DEPTOR: variants seen among roughly 807,000 people sequenced by gnomAD.
The protein encoded by DEPTOR is DEP domain containing MTOR interacting protein.
A neutral mutation model predicts 41.6 loss-of-function variants in DEPTOR; 41 were observed. The observed-to-expected ratio is 0.98, with a 90% CI of 0.77 to 1.28. DEPTOR has a LOEUF of 1.28. DEPTOR is among the 50% of genes most tolerant of loss of function. The pLI, the probability that DEPTOR is intolerant of heterozygous loss-of-function variation, is 0.00. For missense variants in DEPTOR, 514 were observed against 527.9 expected (o/e 0.97, Z 0.26); for synonymous variants, 195 against 192.3 (o/e 1.01, Z -0.12).
chr8:119,905,944 A>G (rs903814014), intron 1 of DEPTOR, among the ~76,000 whole-genome samples: 3 of 152,080 alleles, frequency 2.0e-5, no homozygotes, highest in Non-Finnish European at 4.4e-5. Context: ...CACTTGGCCA[A>G]TTTTTAAAAT....
At chr8:119,904,315 C>T (rs9721029) in intron 1 of DEPTOR, among the ~76,000 whole-genome samples, 75,181 of 151,284 alleles carry the variant, frequency 0.5, 20,367 homozygotes, top group East Asian at 0.92. Flanking sequence ...GACAGGGTTT[C>T]ACCTTGTGGG....
At chr8:119,908,407 A>G (rs1827695188) in intron 1 of DEPTOR, among the ~76,000 whole-genome samples, 1 of 152,170 alleles carries the variant, frequency 6.6e-6, no homozygotes, top group African/African-American at 2.4e-5. Flanking sequence ...TGGGCAACAT[A>G]GTGAGACCCT....
intron 8 of DEPTOR, among the ~76,000 whole-genome samples, chr8:120,048,785 C>G (rs1040038057): frequency 6.6e-6 from 1 of 152,084 alleles, no homozygotes; most frequent in African/African-American, 2.4e-5. Flanking sequence ...TAGTGTGAGC[C>G]TGTGAGAATA....
intron 8 of DEPTOR, among the ~76,000 whole-genome samples, chr8:120,022,157 TA>T (rs34125548): frequency 0.05 from 4,661 of 93,710 alleles, 155 homozygotes; most frequent in Middle Eastern, 0.11. Flanking sequence ...GACCCCATCT[TA>T]AAAAAAAAAA....
chr8:120,014,562 C>A (rs2130118255), intron 8 of DEPTOR, among the ~76,000 whole-genome samples: 1 of 152,158 alleles, frequency 6.6e-6, no homozygotes, highest in Non-Finnish European at 1.5e-5. Context: ...GAGTCTCACT[C>A]TGTTGCCCAA....
At chr8:120,015,594 G>C (rs1812596204) in intron 8 of DEPTOR, among the ~76,000 whole-genome samples, 2 of 152,106 alleles carry the variant, frequency 1.3e-5, no homozygotes, top group African/African-American at 4.8e-5. Context: ...TAGTCAAATT[G>C]GAAAAAACGA....
chr8:119,990,626 A>T (rs944043553), intron 4 of DEPTOR, among the ~76,000 whole-genome samples: 1 of 152,176 alleles, frequency 6.6e-6, no homozygotes, highest in South Asian at 2.1e-4. Context: ...GAATCCTTTT[A>T]CTTCTTTTCC....
At chr8:120,006,321 C>T (rs548255488) in intron 6 of DEPTOR, among the ~76,000 whole-genome samples, 34 of 152,086 alleles carry the variant, frequency 2.2e-4, no homozygotes, top group African/African-American at 8.0e-4. Context: ...GTCACGAGTT[C>T]AAGACCAGCC....
chr8:120,040,306 G>A (rs1813043418), intron 8 of DEPTOR, among the ~76,000 whole-genome samples: 2 of 152,222 alleles, frequency 1.3e-5, no homozygotes, highest in Admixed American at 1.3e-4. Context: ...GCTGAGCTTG[G>A]TGGCTCACGC....
rs868702998 is a variant in DEPTOR, at chr8:119,907,545, G to A, written c.123-20855G>A. On this transcript the variant is annotated intron_variant, in intron 1 of 8. Transcript: ENST00000286234. ...TTTTAGGTAGAGAAAGAAAATAAGG[G>A]CCAGTGTGGTGGACTTTGGGAGACC... Among the ~76,000 whole-genome samples, 4 of 152,254 alleles carry A rather than the reference G, an allele frequency of 2.6e-5. No homozygotes were observed. The South Asian group carries it at 6.2e-4, about 24-fold the overall frequency.
chr8:119,952,613 C>A (rs369455436), intron 3 of DEPTOR, among the ~76,000 whole-genome samples: 1 of 152,308 alleles, frequency 6.6e-6, no homozygotes, highest in East Asian at 1.9e-4. Context: ...GTGTTGTTCC[C>A]CCCGGGCCGT....
chr8:119,886,646 G>C (rs1827368821), intron 1 of DEPTOR, among the ~76,000 whole-genome samples: 2 of 152,024 alleles, frequency 1.3e-5, no homozygotes, highest in Admixed American at 1.3e-4. Flanking sequence ...TTTGAGAAAG[G>C]GAAAAACCCA....
intron 4 of DEPTOR, among the ~76,000 whole-genome samples, chr8:119,966,815 A>G (rs998138595): frequency 2.6e-5 from 4 of 152,210 alleles, no homozygotes; most frequent in Non-Finnish European, 5.9e-5. Context: ...ATACAAATTT[A>G]TTAACATGTA....
At chr8:119,942,336 G>T (rs1200275667) in intron 3 of DEPTOR, among the ~76,000 whole-genome samples, 4 of 152,162 alleles carry the variant, frequency 2.6e-5, no homozygotes, top group Non-Finnish European at 4.4e-5. Context: ...CTTGTGAGTA[G>T]TTGGGACTAC....
At chr8:119,995,176 A>G (rs549779324) in intron 4 of DEPTOR, among the ~76,000 whole-genome samples, 5 of 152,186 alleles carry the variant, frequency 3.3e-5, no homozygotes, top group Non-Finnish European at 5.9e-5. Context: ...TTTGCATGGA[A>G]TATATTCAAA....
rs1382038163 is a variant in DEPTOR, at chr8:120,041,701, CT to C, written c.1102-7874del. Among the ~76,000 whole-genome samples, 3 of 152,108 alleles carry C rather than the reference CT, an allele frequency of 2.0e-5. No individual in the cohort carries two copies. The East Asian group carries it at 5.8e-4, about 29-fold the overall frequency. On this transcript the variant is annotated intron_variant, in intron 8 of 8. Transcript: ENST00000286234. ...TACAGGCATGCACCACCACGCCCAG[CT>C]GATTTTTGTATTTTTGGTAGAGACG...
chr8:120,021,749 TG>T (rs1307986680), intron 8 of DEPTOR, among the ~76,000 whole-genome samples: 1 of 152,156 alleles, frequency 6.6e-6, no homozygotes, highest in African/African-American at 2.4e-5. Flanking sequence ...GGCACAGTCA[TG>T]GGGATAAATA....
chr8:119,883,429 C>T (rs562453485), intron 1 of DEPTOR, among the ~76,000 whole-genome samples: 232 of 144,184 alleles, frequency 1.6e-3, no homozygotes, highest in African/African-American at 5.5e-3. Flanking sequence ...TAGCCGAGAT[C>T]GCGCCACTGC....
At chr8:120,032,344 G>A (rs139773232) in intron 8 of DEPTOR, among the ~76,000 whole-genome samples, 1,893 of 151,054 alleles carry the variant, frequency 0.013, 38 homozygotes, top group African/African-American at 0.042. Context: ...TCAGCCTCCC[G>A]AGTAGCTGGG....
Sources: gnomAD v4.1 joint callset for allele counts (sites outside exome capture counted in the v4.1 genomes callset) on GRCh38, gnomAD v4.1.1 for gene constraint, MANE v1.5 for transcripts, NCBI Gene and HGNC (gene_info 2026-07-23, HGNC 2026-07-21) for gene names.